The following BTRC variants were observed in gnomAD, a reference collection of about 807,000 sequenced individuals.
BTRC encodes the protein F-box/WD repeat-containing protein 1A.
In BTRC, 42 loss-of-function variants were observed where a neutral mutation model predicts 85.5. The ratio of observed to expected loss-of-function variants is 0.49; its 90% confidence interval spans 0.38 to 0.64. The LOEUF is 0.64. BTRC is among the 30% of genes least tolerant of loss of function. BTRC has a pLI of 0.00. For synonymous variants in BTRC, 255 were observed against 263.3 expected, an observed-to-expected ratio of 0.97 and a Z score of 0.30; for missense variants, 594 against 743.5, an observed-to-expected ratio of 0.80 and a Z score of 2.34.
intron 1 of BTRC, among the ~76,000 whole-genome samples, chr10:101,379,223 C>T (rs1403284178): frequency 6.6e-6 from 1 of 152,134 alleles, no homozygotes; most frequent in African/African-American, 2.4e-5. Flanking sequence ...AGGTATGGGT[C>T]ACCTTTGATT....
intron 1 of BTRC, among the ~76,000 whole-genome samples, chr10:101,380,908 A>G (rs1942911712): frequency 6.6e-6 from 1 of 152,252 alleles, no homozygotes; most frequent in Non-Finnish European, 1.5e-5. Flanking sequence ...GCCATGTGAT[A>G]TAACCTGTTG....
At chr10:101,377,495 G>A (rs1300158078) in intron 1 of BTRC, among the ~76,000 whole-genome samples, 1 of 152,154 alleles carries the variant, frequency 6.6e-6, no homozygotes, top group African/African-American at 2.4e-5. Flanking sequence ...ATTCCCACAA[G>A]CAATGGGTGA....
intron 4 of BTRC, among the ~76,000 whole-genome samples, chr10:101,510,417 G>A (rs1946671932): frequency 6.6e-6 from 1 of 151,498 alleles, no homozygotes; most frequent in Non-Finnish European, 1.5e-5. Context: ...GGCTGAGGCA[G>A]GAGAATGGCG....
At chr10:101,418,750 T>G (rs77334916) in intron 1 of BTRC, among the ~76,000 whole-genome samples, 10,081 of 152,076 alleles carry the variant, frequency 0.066, 342 homozygotes, top group Non-Finnish European at 0.074. Context: ...ATGTGCAGGT[T>G]TGGTACGTAG....
intron 1 of BTRC, among the ~76,000 whole-genome samples, chr10:101,382,267 G>A (rs973296460): frequency 1.3e-5 from 2 of 151,746 alleles, no homozygotes; most frequent in African/African-American, 4.8e-5. Context: ...ACAGGCATGA[G>A]CCACCGCGTC....
chr10:101,540,681 G>A (rs1050720337), intron 13 of BTRC, among the ~76,000 whole-genome samples: 2 of 152,088 alleles, frequency 1.3e-5, no homozygotes, highest in African/African-American at 4.8e-5. Context: ...TAAATAAATA[G>A]GTATGGGGTC....
chr10:101,414,730 A>C (rs749963473), intron 1 of BTRC: 1 of 460,150 alleles, frequency 2.2e-6, no homozygotes. Context: ...GGCCTAGGCT[A>C]ATGTAATGTG....
intron 1 of BTRC, among the ~76,000 whole-genome samples, chr10:101,367,347 C>T (rs772597929): frequency 6.6e-5 from 10 of 151,640 alleles, no homozygotes; most frequent in Non-Finnish European, 1.5e-4. Context: ...GGATTACAGG[C>T]GTGAGCCACT....
chr10:101,390,890 A>G (rs1384713682), intron 1 of BTRC, among the ~76,000 whole-genome samples: 1 of 152,184 alleles, frequency 6.6e-6, no homozygotes, highest in East Asian at 1.9e-4. Context: ...GCATCAGTTA[A>G]GATAGATTAA....
At chr10:101,354,592 C>G in intron 1 of BTRC, 1 of 307,608 alleles carries the variant, frequency 3.3e-6, no homozygotes, top group Non-Finnish European at 6.0e-6. Context: ...CGGGGCCTTC[C>G]TGGTGTCAGG....
intron 13 of BTRC, 111 bp from the exon 14 acceptor site, chr10:101,550,588 T>C: frequency 8.1e-7 from 1 of 1,230,096 alleles, no homozygotes; most frequent in South Asian, 1.4e-5. Context: ...GGCCTCTTTA[T>C]AACAGCAAAC....
At chr10:101,369,580 C>A (rs1341633538) in intron 1 of BTRC, among the ~76,000 whole-genome samples, 2 of 152,132 alleles carry the variant, frequency 1.3e-5, no homozygotes, top group East Asian at 3.8e-4. Flanking sequence ...TTAGAAGTTT[C>A]TTTTAGTAGA....
At chr10:101,467,179 G>C (rs542857852) in intron 3 of BTRC, among the ~76,000 whole-genome samples, 1 of 136,002 alleles carries the variant, frequency 7.4e-6, no homozygotes, top group African/African-American at 2.5e-5. Context: ...TTTCAAGAGA[G>C]CTCCTTTTCT....
intron 3 of BTRC, among the ~76,000 whole-genome samples, chr10:101,471,430 C>A (rs1232205677): frequency 6.6e-6 from 1 of 151,890 alleles, no homozygotes. Flanking sequence ...TTTTTTTCAT[C>A]TGAGATATAT....
intron 1 of BTRC, among the ~76,000 whole-genome samples, chr10:101,429,937 T>C (rs1490498978): frequency 1.3e-5 from 2 of 152,100 alleles, no homozygotes; most frequent in Non-Finnish European, 2.9e-5. Context: ...TTGTAATGTT[T>C]CTGTGAACTC....
At chr10:101,531,365 A>C in intron 7 of BTRC, 32 bp downstream of exon 7, 1 of 1,463,668 alleles carries the variant, frequency 6.8e-7, no homozygotes, top group East Asian at 2.3e-5. Context: ...GGTATTGCCC[A>C]AGGGCACAGA....
chr10:101,363,070 A>G (rs965928287), intron 1 of BTRC, among the ~76,000 whole-genome samples: 31 of 152,332 alleles, frequency 2.0e-4, no homozygotes, highest in Non-Finnish European at 3.8e-4. Flanking sequence ...AGGTTTGACT[A>G]TAATTATTTA....
At chr10:101,439,798 T>A (rs1325402094) in intron 2 of BTRC, among the ~76,000 whole-genome samples, 1 of 152,176 alleles carries the variant, frequency 6.6e-6, no homozygotes, top group Non-Finnish European at 1.5e-5. Context: ...AACACCCTAT[T>A]GTAAGGAAGA....
intron 3 of BTRC, among the ~76,000 whole-genome samples, chr10:101,473,822 T>G (rs547757576): frequency 8.4e-4 from 128 of 152,218 alleles, no homozygotes; most frequent in South Asian, 1.5e-3. Flanking sequence ...GGTCCTGAAC[T>G]CCTGAGCTCA....
Sources: gnomAD v4.1 joint callset for allele counts (sites outside exome capture counted in the v4.1 genomes callset) on GRCh38, gnomAD v4.1.1 for gene constraint, MANE v1.5 for transcripts, NCBI Gene and HGNC (gene_info 2026-07-23, HGNC 2026-07-21) for gene names.